The following CSMD1 variants were observed in gnomAD, a reference collection of about 807,000 sequenced individuals.
The protein encoded by CSMD1 is CUB and Sushi multiple domains 1, also known as CUB and sushi domain-containing protein 1.
CSMD1 carries 213 observed loss-of-function variants against 417.5 expected under a neutral mutation model. That is an observed-to-expected ratio of 0.51 (90% CI 0.46 to 0.57). The LOEUF (loss-of-function observed/expected upper bound fraction) is 0.57, where lower values mean the gene tolerates loss of function less well. Among genes scored for constraint, CSMD1 ranks in the 20% least tolerant of loss-of-function variants. The probability of loss-of-function intolerance (pLI) is 0.00; values close to 1 mark genes in which losing one functional copy is unlikely to be tolerated. For missense variants in CSMD1, 6,923 were observed against 4,529.7 expected, an observed-to-expected ratio of 1.53 and a Z score of -15.17; for synonymous variants, 2,862 against 1,736.8, an observed-to-expected ratio of 1.65 and a Z score of -16.11.
rs1473387688 is a variant in CSMD1, at chr8:4,031,899, C to G, written c.610+6G>C. ...TCTGCTCACCAGCCCCCTTGTAGCA[C>G]TGTACCTCTGCAAAAGGGAGCTGGG... On this transcript the variant is annotated splice_donor_region_variant and intron_variant, in intron 4 of 69. Transcript: ENST00000635120. The G allele has an allele frequency of 1.2e-6, 2 of 1,611,376 alleles. No homozygotes were observed. Among genetic ancestry groups the G allele is most frequent in the South Asian group, 1.1e-5 (1 of 90,816 alleles).
At chr8:4,697,215 T>C (rs949929124) in intron 1 of CSMD1, among the ~76,000 whole-genome samples, 7 of 152,060 alleles carry the variant, frequency 4.6e-5, no homozygotes, top group Non-Finnish European at 1.0e-4. Flanking sequence ...AAAATCATTC[T>C]ACTTATTTTT....
At chr8:3,144,647 T>C (rs1317017631) in intron 40 of CSMD1, among the ~76,000 whole-genome samples, 2 of 152,026 alleles carry the variant, frequency 1.3e-5, no homozygotes, top group Non-Finnish European at 2.9e-5. Context: ...ACAACATTTC[T>C]GCAAATATTC....
At chr8:4,163,381 C>G (rs1398907001) in intron 3 of CSMD1, among the ~76,000 whole-genome samples, 1 of 152,202 alleles carries the variant, frequency 6.6e-6, no homozygotes, top group Non-Finnish European at 1.5e-5. Context: ...TACTCCATAT[C>G]CAAGACAGCA....
At chr8:3,625,712 T>C (rs920009973) in intron 7 of CSMD1, among the ~76,000 whole-genome samples, 1 of 152,184 alleles carries the variant, frequency 6.6e-6, no homozygotes, top group African/African-American at 2.4e-5. Flanking sequence ...TAAAATTCAG[T>C]CATTCAACAT....
At chr8:3,391,764 T>C (rs1811364206) in intron 17 of CSMD1, among the ~76,000 whole-genome samples, 3 of 152,218 alleles carry the variant, frequency 2.0e-5, no homozygotes, top group Non-Finnish European at 4.4e-5. Context: ...CGAGTACCTG[T>C]GGCTGTGATT....
chr8:3,433,683 G>T (rs1814372813), intron 12 of CSMD1, among the ~76,000 whole-genome samples: 1 of 152,156 alleles, frequency 6.6e-6, no homozygotes, highest in Non-Finnish European at 1.5e-5. Flanking sequence ...TCTCTTAGTG[G>T]AAAGTGACAG....
At chr8:2,960,413 T>G (rs564632302) in intron 62 of CSMD1, among the ~76,000 whole-genome samples, 7 of 152,204 alleles carry the variant, frequency 4.6e-5, no homozygotes, top group Non-Finnish European at 1.5e-5. Context: ...TTTTTATTCT[T>G]AATTGATGAG....
intron 5 of CSMD1, among the ~76,000 whole-genome samples, chr8:3,769,103 T>C (rs1483476356): frequency 6.6e-6 from 1 of 152,220 alleles, no homozygotes; most frequent in African/African-American, 2.4e-5. Context: ...ATTAAAGAGA[T>C]GACTTTTCCT....
chr8:3,712,229 G>C (rs1253126940), intron 6 of CSMD1, among the ~76,000 whole-genome samples: 1 of 152,086 alleles, frequency 6.6e-6, no homozygotes, highest in Non-Finnish European at 1.5e-5. Flanking sequence ...GTGACTTGTG[G>C]GTCCAGGGTC....
chr8:4,853,763 C>T (rs1227842060), intron 1 of CSMD1, among the ~76,000 whole-genome samples: 1 of 152,184 alleles, frequency 6.6e-6, no homozygotes, highest in Non-Finnish European at 1.5e-5. Flanking sequence ...GCACTCAACT[C>T]CAGCACATGA....
chr8:4,735,008 G>A (rs540192832), intron 1 of CSMD1, among the ~76,000 whole-genome samples: 2 of 152,262 alleles, frequency 1.3e-5, no homozygotes, highest in South Asian at 2.1e-4. Flanking sequence ...AGAAGTGCTC[G>A]GGTTGTTTGA....
chr8:4,628,349 T>C (rs906504367), intron 2 of CSMD1, among the ~76,000 whole-genome samples: 1 of 150,332 alleles, frequency 6.7e-6, no homozygotes, highest in African/African-American at 2.4e-5. Flanking sequence ...CTCATATATA[T>C]ATACTTCTAT....
intron 28 of CSMD1, among the ~76,000 whole-genome samples, chr8:3,222,340 AG>A (rs1798266949): frequency 6.6e-6 from 1 of 151,814 alleles, no homozygotes; most frequent in African/African-American, 2.4e-5. Context: ...TTTAAAGCCA[AG>A]GTCTTGCTCT....
intron 50 of CSMD1, among the ~76,000 whole-genome samples, chr8:3,048,837 G>A (rs1279611730): frequency 1.3e-5 from 2 of 151,392 alleles, no homozygotes; most frequent in East Asian, 3.9e-4. Flanking sequence ...AAGACATATG[G>A]GATAAAGAAC....
chr8:3,897,954 A>C (rs562949610), intron 5 of CSMD1, among the ~76,000 whole-genome samples: 32 of 152,220 alleles, frequency 2.1e-4, no homozygotes, highest in Non-Finnish European at 8.8e-5. Flanking sequence ...TCACCAAATG[A>C]AGACACAAAA....
At chr8:4,181,956 G>C (rs1798400767) in intron 3 of CSMD1, among the ~76,000 whole-genome samples, 1 of 39,164 alleles carries the variant, frequency 2.6e-5, no homozygotes, top group African/African-American at 8.5e-5. Context: ...GTCTGTGTCT[G>C]CGTGTGTGTG....
chr8:4,428,949 A>T (rs1308174789), intron 2 of CSMD1, among the ~76,000 whole-genome samples: 1 of 152,030 alleles, frequency 6.6e-6, no homozygotes, highest in African/African-American at 2.4e-5. Flanking sequence ...CCTGACTTGA[A>T]GTGATCCACC....
At chr8:4,153,593 G>A (rs1191166867) in intron 3 of CSMD1, among the ~76,000 whole-genome samples, 1 of 152,202 alleles carries the variant, frequency 6.6e-6, no homozygotes, top group Non-Finnish European at 1.5e-5. Flanking sequence ...GTCACAGGGT[G>A]CCCTGAGATG....
chr8:3,652,434 A>G (rs1488988447), intron 7 of CSMD1, among the ~76,000 whole-genome samples: 1 of 152,202 alleles, frequency 6.6e-6, no homozygotes, highest in Non-Finnish European at 1.5e-5. Flanking sequence ...CCCAAACACA[A>G]TGGATGCATT....
Sources: allele counts gnomAD v4.1 joint callset (sites outside exome capture counted in the v4.1 genomes callset), GRCh38; gene constraint gnomAD v4.1.1; transcripts MANE v1.5; gene names NCBI Gene and HGNC (gene_info 2026-07-23, HGNC 2026-07-21).